LRFN1: variants seen among roughly 807,000 people sequenced by gnomAD.
The protein encoded by LRFN1 is leucine rich repeat and fibronectin type III domain containing 1.
Under a neutral mutation model 31.8 loss-of-function variants are expected in LRFN1, and 20 were observed. The ratio of observed to expected loss-of-function variants is 0.63; its 90% CI spans 0.44 to 0.91. LRFN1 has a LOEUF of 0.91. Among genes scored for constraint, LRFN1 ranks in the 40% least tolerant of loss-of-function variants. The pLI is 0.00. For synonymous variants in LRFN1, 514 were observed against 541.3 expected, an observed-to-expected ratio of 0.95 and a Z score of 0.70; for missense variants, 912 against 1,129.8, an observed-to-expected ratio of 0.81 and a Z score of 2.76.
At position 39,308,336 on chromosome 19, in the gene LRFN1, A is replaced by G; in HGVS notation, c.1613T>C (p.Ile538Thr). ...RAHFLGGTMIIAIGGVIVASV... is the reference protein window; with the variant it reads ...RAHFLGGTMITAIGGVIVASV... ...GGCGACGATGACGCCCCCGATGGCG[A>G]TGATCATGGTGCCGCCCAAGAAATG... Residue 538 changes from isoleucine to threonine, a missense_variant, in exon 5 of 5, where the codon ATC becomes ACC. By Grantham distance (89) the Ile-to-Thr change is moderately conservative. Coordinates refer to ENST00000248668, the MANE Select transcript of LRFN1 (RefSeq NM_020862.2). This position sits in a 1 kb window ranked among gnomAD's most constrained non-coding sequence, Gnocchi z 6.2. 1 of 1,613,086 alleles carries G rather than the reference A, an allele frequency of 6.2e-7. No homozygotes were observed. Among genetic ancestry groups the G allele is most frequent in the Non-Finnish European group, 8.5e-7 (1 of 1,179,642 alleles).
In LRFN1 at chr19:39,314,132, G is replaced by T; in HGVS notation, c.1205C>A (p.Pro402His). The T allele has an allele frequency of 6.2e-7, 1 of 1,611,878 alleles. No individual in the cohort carries two copies. The part of the protein sequence containing the change: ...LMAPPPAAPP[P>H]LTEPGSSDIA... ...GTCAGAGGAGCCGGGCTCGGTGAGA[G>T]GCGGCGGGGCAGCCGGCGGGGGTGC... The change falls in exon 4 of 5, where the codon CCT (proline) becomes CAT (histidine). Residue 402 changes from proline to histidine, a missense_variant. Pro to His is a moderately conservative substitution (Grantham distance 77). Transcript: ENST00000248668.
At chr19:39,309,647 C>T (rs1312197012) in intron 4 of LRFN1, among the ~76,000 whole-genome samples, 1 of 152,094 alleles carries the variant, frequency 6.6e-6, no homozygotes, top group Non-Finnish European at 1.5e-5. Flanking sequence ...AGGATGGTTC[C>T]CCTACTGTGT....
chr19:39,319,385 T>G (rs944849509), intron 1 of LRFN1, among the ~76,000 whole-genome samples: 1 of 151,360 alleles, frequency 6.6e-6, no homozygotes, highest in Middle Eastern at 3.2e-3. Flanking sequence ...ACTTCACACA[T>G]CTCCATGTTG....
intron 4 of LRFN1, among the ~76,000 whole-genome samples, chr19:39,313,217 G>A (rs1238771284): frequency 6.6e-6 from 1 of 152,102 alleles, no homozygotes; most frequent in Non-Finnish European, 1.5e-5. Context: ...AGTAGTACTG[G>A]TATATAATTT....
intron 2 of LRFN1, among the ~76,000 whole-genome samples, chr19:39,317,805 T>C (rs1462068037): frequency 6.6e-6 from 1 of 152,146 alleles, no homozygotes; most frequent in Non-Finnish European, 1.5e-5. Context: ...ACTATATACA[T>C]GTGAGCTGCT....
In LRFN1 at chr19:39,316,106, T is replaced by G. The variant is rs891009346; in HGVS notation, c.-62A>C. 6.6e-6 allele frequency: 1 copy of G among 152,218 alleles called. No individual in the cohort carries two copies. Among genetic ancestry groups the G allele is most frequent in the African/African-American group, 2.4e-5 (1 of 41,432 alleles). The allele number at this position is 152,218 out of a possible 1,614,324, so 9.4% of individuals were successfully genotyped here. On this transcript the variant is annotated 5_prime_UTR_variant, in exon 3 of 5. Transcript: ENST00000248668. ...CTAGCTGTGTGACCTCCAGCAAGTA[T>G]CTGAACCTCTCTGATTCTCGGTTTC...
intron 4 of LRFN1, among the ~76,000 whole-genome samples, chr19:39,311,119 G>C (rs62122888): frequency 0.012 from 1,840 of 152,224 alleles, 11 homozygotes; most frequent in Non-Finnish European, 0.019. Context: ...AAGGACAGAG[G>C]CTGGCTCCTT....
intron 2 of LRFN1, among the ~76,000 whole-genome samples, chr19:39,317,290 G>A (rs2075174972): frequency 2.0e-5 from 3 of 152,118 alleles, no homozygotes; most frequent in Admixed American, 1.3e-4. Context: ...CCGGGCTGAA[G>A]GCGGAAAAAG....
rs773111250 is a variant in LRFN1 at position 39,317,502 on chromosome 19, C to T, written c.-93+824G>A. Among the ~76,000 whole-genome samples the T allele has an allele frequency of 2.0e-5, 3 of 152,112 alleles. No homozygotes were observed. The South Asian group carries it at 6.2e-4, about 32-fold the overall frequency. On this transcript the variant is annotated intron_variant, in intron 2 of 4. Coordinates refer to ENST00000248668, the MANE Select transcript of LRFN1 (RefSeq NM_020862.2). ...TCTATGAAACAGAAGTCCAGAGCCT[C>T]GCCTCCGACAGCTGGGGTAGGACTC...
chr19:39,316,951 C>T (rs1182037767), intron 2 of LRFN1, among the ~76,000 whole-genome samples: 2 of 152,086 alleles, frequency 1.3e-5, no homozygotes, highest in African/African-American at 4.8e-5. Context: ...GGGCTACGGC[C>T]TTAGGTGGCT....
In LRFN1 at chr19:39,315,319, G is replaced by T; in HGVS notation, c.18C>A (p.Phe6Leu). Residue 6 changes from phenylalanine to leucine, a missense_variant, in exon 4 of 5, where the codon TTC becomes TTA. By Grantham distance (22) the Phe-to-Leu change is conservative (BLOSUM62 0). Around this residue, in one of 2 missense-constraint regions of LRFN1, gnomAD observed 401 missense variants for 572.7 expected, o/e 0.70. Transcript: ENST00000248668. This position sits in a 1 kb window ranked among gnomAD's most constrained non-coding sequence, Gnocchi z 4.7. MAPGPFSSALLSPPPA... is the reference protein window; with the variant it reads MAPGPLSSALLSPPPA... Reference sequence around the variant, plus strand: ...GCGGCGGCGAGAGGAGGGCCGAGGAGAAGGGTCCTGGAGCCATGGTGCAGT... The same window carrying T: ...GCGGCGGCGAGAGGAGGGCCGAGGATAAGGGTCCTGGAGCCATGGTGCAGT... 6.8e-7 allele frequency: 1 copy of T among 1,479,944 alleles called. No individual in the cohort carries two copies. Among genetic ancestry groups the T allele is most frequent in the African/African-American group, 1.4e-5 (1 of 72,132 alleles). The allele number at this position is 1,479,944 out of a possible 1,614,324, so 91.7% of individuals were successfully genotyped here.
Position 39,308,349 on chromosome 19 carries a change from C to T in LRFN1, c.1600G>A (p.Gly534Ser), listed in dbSNP as rs1311669138. The T allele has an allele frequency of 6.2e-7, 1 of 1,612,756 alleles. No homozygotes were observed. ...CRPLRAHFLG[G>S]TMIIAIGGVI... is the part of the protein sequence containing the mutation. ...CCCCCGATGGCGATGATCATGGTGC[C>T]GCCCAAGAAATGGGCCCTCAGCGGG... Residue 534 changes from glycine to serine, a missense_variant, in exon 5 of 5, where the codon GGC becomes AGC. By Grantham distance (56) the Gly-to-Ser change is moderately conservative. This residue lies in a region of LRFN1 where 511 missense variants were observed against 557.0 expected (regional missense o/e 0.92). Transcript: ENST00000248668. The surrounding 1 kb of genome is among the most constrained non-coding windows in gnomAD (Gnocchi z 6.2).
In LRFN1 at chr19:39,315,341, C is replaced by T; in HGVS notation, c.-5G>A. ...GGAGAAGGGTCCTGGAGCCATGGTG[C>T]AGTGGGAAGGCAGGAGGGGTGGGAG... On this transcript the variant is annotated 5_prime_UTR_variant, in exon 4 of 5. Transcript: ENST00000248668. The surrounding 1 kb of genome is among the most constrained non-coding windows in gnomAD (Gnocchi z 4.7). The T allele has an allele frequency of 6.9e-7, 1 of 1,448,990 alleles. No individual in the cohort carries two copies. The highest frequency in any genetic ancestry group is 9.1e-7 in the Non-Finnish European group (1 of 1,103,948). 89.8% of individuals were successfully genotyped at this position (1,448,990 alleles called of 1,614,324 possible). A position where few individuals can be genotyped will look rare whatever the true frequency, so the allele number is the denominator to read the frequency against.
chr19:39,319,417 C>T (rs1318845652), intron 1 of LRFN1, among the ~76,000 whole-genome samples: 2 of 144,860 alleles, frequency 1.4e-5, no homozygotes, highest in African/African-American at 5.5e-5. Context: ...CAGCACCACG[C>T]TAACAGATAC....
chr19:39,318,636 C>G (rs1005649605), intron 1 of LRFN1, among the ~76,000 whole-genome samples: 1 of 152,144 alleles, frequency 6.6e-6, no homozygotes, highest in Non-Finnish European at 1.5e-5. Flanking sequence ...CCCCCTCTTC[C>G]CTCTGACCCA....
Position 39,308,610 on chromosome 19 carries a change from G to T in LRFN1, c.1407-68C>A. ...ACCACGCCCCTTCGCTTTATGCCCC[G>T]CCCATGGTGAACAGTGGGGACTAAA... On this transcript the variant is annotated intron_variant, in intron 4 of 4. Coordinates refer to ENST00000248668, the MANE Select transcript of LRFN1 (RefSeq NM_020862.2). This position sits in a 1 kb window ranked among gnomAD's most constrained non-coding sequence, Gnocchi z 6.2. 7.3e-7 allele frequency: 1 copy of T among 1,377,852 alleles called. No individual in the cohort carries two copies. The highest frequency in any genetic ancestry group is 9.7e-7 in the Non-Finnish European group (1 of 1,032,144). 85.4% of individuals were successfully genotyped at this position (1,377,852 alleles called of 1,614,324 possible). A position where few individuals can be genotyped will look rare whatever the true frequency, so the allele number is the denominator to read the frequency against.
rs1023240655 is a variant in LRFN1 at position 39,320,863 on chromosome 19, C to T, written c.-196G>A. The T allele has an allele frequency of 1.4e-4, 21 of 145,424 alleles. No homozygotes were observed. Among genetic ancestry groups the T allele is most frequent in the Admixed American group, 1.2e-3 (18 of 14,622 alleles). 9.0% of individuals were successfully genotyped at this position (145,424 alleles called of 1,614,324 possible). A position where few individuals can be genotyped will look rare whatever the true frequency, so the allele number is the denominator to read the frequency against. ...CTCCGCGCCATGGTGGGGGGAGGGC[C>T]GGGGGAGGGGGCGCGGTGCCGCGGG... is the stretch of plus-strand genomic sequence containing the variant. On this transcript the variant is annotated 5_prime_UTR_variant, in exon 1 of 5. Transcript: ENST00000248668.
chr19:39,308,260 G>A lies in LRFN1; in HGVS notation c.1689C>T (p.Gly563=). Residue 563 remains glycine, a synonymous_variant, in exon 5 of 5, where the codon GGC becomes GGT. Transcript: ENST00000248668. The surrounding 1 kb of genome is among the most constrained non-coding windows in gnomAD (Gnocchi z 6.2). The part of the protein sequence containing the change: ...VLLMIRYKVY[G]DGDSRRVKGS... ...CCTTGACGCGGCGGCTGTCCCCGTC[G>A]CCATACACCTTATAGCGGATCATGA... The A allele has an allele frequency of 6.2e-7, 1 of 1,612,916 alleles. No homozygotes were observed. The highest frequency in any genetic ancestry group is 1.3e-5 in the African/African-American group (1 of 75,038).
Position 39,308,570 on chromosome 19 carries a change from G to T in LRFN1, c.1407-28C>A. 2 of 1,548,126 alleles carry T rather than the reference G, an allele frequency of 1.3e-6. No individual in the cohort carries two copies. The highest frequency in any genetic ancestry group is 1.7e-6 in the Non-Finnish European group (2 of 1,151,698). Reference sequence around the variant, plus strand: ...GTAGGAGGGGGCGGGTTCAGGGCGGGGTTAGTCCCCCCGAACCACGCCCCT... The same window carrying T: ...GTAGGAGGGGGCGGGTTCAGGGCGGTGTTAGTCCCCCCGAACCACGCCCCT... On this transcript the variant is annotated intron_variant, in intron 4 of 4. Transcript: ENST00000248668. This position sits in a 1 kb window ranked among gnomAD's most constrained non-coding sequence, Gnocchi z 6.2.
Sources: allele counts gnomAD v4.1 joint callset (sites outside exome capture counted in the v4.1 genomes callset), GRCh38; gene constraint gnomAD v4.1.1; regional missense constraint gnomAD v4.1.1; non-coding constraint Gnocchi (gnomAD v3.1); transcripts MANE v1.5; gene names NCBI Gene and HGNC (gene_info 2026-07-23, HGNC 2026-07-21).